KCNG3: variants seen among roughly 807,000 people sequenced by gnomAD.
KCNG3 encodes the protein potassium voltage-gated channel modifier subfamily G member 3, also known as voltage-gated potassium channel regulatory subunit KCNG3.
A neutral mutation model predicts 29.0 loss-of-function variants in KCNG3; 15 were observed. That is an observed-to-expected ratio of 0.52 (90% CI 0.35 to 0.80). KCNG3 has a LOEUF of 0.80. Among genes scored for constraint, KCNG3 ranks in the 30% least tolerant of loss-of-function variants. The pLI, the probability that KCNG3 is intolerant of heterozygous loss-of-function variation, is 0.01. For synonymous variants in KCNG3, 322 were observed against 248.9 expected (o/e 1.29, Z -2.76); for missense variants, 512 against 605.7 (o/e 0.85, Z 1.62).
chr2:42,451,336 G>A (rs1404403670), intron 1 of KCNG3, among the ~76,000 whole-genome samples: 1 of 151,898 alleles, frequency 6.6e-6, no homozygotes, highest in African/African-American at 2.4e-5. Flanking sequence ...TCAGCACTTT[G>A]GGAGGCTGAA....
the KCNG3 span, among the ~76,000 whole-genome samples, chr2:42,392,498 C>G: frequency 2.6e-5 from 4 of 152,102 alleles, no homozygotes; most frequent in African/African-American, 9.7e-5. Flanking sequence ...ACAGCTGTTA[C>G]TGAAACACCA....
At chr2:42,491,727 T>A (rs1277335682) in intron 1 of KCNG3, among the ~76,000 whole-genome samples, 1 of 152,212 alleles carries the variant, frequency 6.6e-6, no homozygotes, top group Non-Finnish European at 1.5e-5. Flanking sequence ...ACTTCTTAGA[T>A]TTATATAAAA....
chr2:42,429,346 T>C, the KCNG3 span, among the ~76,000 whole-genome samples: 298 of 152,236 alleles, frequency 2.0e-3, 3 homozygotes, highest in Non-Finnish European at 1.8e-3. Flanking sequence ...GCCAATGACT[T>C]CAATTCAAAC....
chr2:42,468,517 G>A (rs1213146412), intron 1 of KCNG3, among the ~76,000 whole-genome samples: 2 of 151,914 alleles, frequency 1.3e-5, no homozygotes. Context: ...CAAGTTATAA[G>A]GTACCTAGAT....
the KCNG3 span, among the ~76,000 whole-genome samples, chr2:42,435,786 T>C: frequency 6.6e-6 from 1 of 152,140 alleles, no homozygotes; most frequent in Non-Finnish European, 1.5e-5. Context: ...CCTTCACACA[T>C]TGCTGGTGGG....
chr2:42,466,660 A>G (rs1673147758), intron 1 of KCNG3, among the ~76,000 whole-genome samples: 1 of 152,060 alleles, frequency 6.6e-6, no homozygotes, highest in Admixed American at 6.6e-5. Context: ...ACGACTGTGT[A>G]CTGTTGGTGG....
chr2:42,474,606 A>T (rs1226507691), intron 1 of KCNG3, among the ~76,000 whole-genome samples: 1 of 152,210 alleles, frequency 6.6e-6, no homozygotes, highest in Non-Finnish European at 1.5e-5. Context: ...CTCTCATTTT[A>T]AAAAATATAT....
chr2:42,410,951 A>C, the KCNG3 span, among the ~76,000 whole-genome samples: 64 of 152,160 alleles, frequency 4.2e-4, no homozygotes, highest in Non-Finnish European at 8.2e-4. Context: ...TTAACCTTTA[A>C]CCACTGGGAG....
At chr2:42,453,537 A>C (rs542588185) in intron 1 of KCNG3, among the ~76,000 whole-genome samples, 23 of 152,224 alleles carry the variant, frequency 1.5e-4, no homozygotes, top group African/African-American at 5.3e-4. Flanking sequence ...TTTTTTGCCC[A>C]TTTTTAAATC....
the KCNG3 span, among the ~76,000 whole-genome samples, chr2:42,392,732 G>A: frequency 6.6e-6 from 1 of 151,646 alleles, no homozygotes; most frequent in African/African-American, 2.4e-5. Context: ...AAGTAATCTC[G>A]ATGAATGAGG....
intron 1 of KCNG3, among the ~76,000 whole-genome samples, chr2:42,455,559 T>C (rs1248069267): frequency 6.6e-6 from 1 of 152,152 alleles, no homozygotes; most frequent in African/African-American, 2.4e-5. Context: ...CCAGGAGATC[T>C]TGGAATACAG....
chr2:42,483,099 TGACAGATCAA>T (rs962777054), intron 1 of KCNG3, among the ~76,000 whole-genome samples: 6 of 152,254 alleles, frequency 3.9e-5, no homozygotes, highest in African/African-American at 1.4e-4. Flanking sequence ...CCAGCCTGGG[TGACAGATCAA>T]GACCCTGTCT....
At chr2:42,397,128 C>T in the KCNG3 span, among the ~76,000 whole-genome samples, 1 of 152,074 alleles carries the variant, frequency 6.6e-6, no homozygotes, top group Non-Finnish European at 1.5e-5. Flanking sequence ...ACCTGTAATT[C>T]CAGCTACTCA....
At chr2:42,452,243 A>ATATT in intron 1 of KCNG3, among the ~76,000 whole-genome samples, 22 of 95,044 alleles carry the variant, frequency 2.3e-4, no homozygotes, top group African/African-American at 6.3e-4. Context: ...ATATATATAT[A>ATATT]TTTTTTTTTT....
intron 1 of KCNG3, among the ~76,000 whole-genome samples, chr2:42,480,840 G>A (rs191032943): frequency 2.0e-5 from 3 of 150,992 alleles, no homozygotes; most frequent in Admixed American, 6.6e-5. Flanking sequence ...CTAGAGTGCA[G>A]TGGCGTGATC....
At position 42,464,624 on chromosome 2, in the gene KCNG3, A is replaced by G. The variant is rs550496421; in HGVS notation, c.666-20045T>C. ...CTCTCCGCCTTGTACCATCTGCTCC[A>G]ACTAATGGAAAGTAACACAGTCCCC... On this transcript the variant is annotated intron_variant, in intron 1 of 1. Transcript: ENST00000306078. 4.6e-5 allele frequency among the ~76,000 whole-genome samples: 7 copies of G among 152,290 alleles called. No homozygotes were observed. In the East Asian group the frequency reaches 1.3e-3, roughly 29 times the overall value.
the KCNG3 span, among the ~76,000 whole-genome samples, chr2:42,410,739 G>C: frequency 6.6e-6 from 1 of 151,980 alleles, no homozygotes; most frequent in East Asian, 1.9e-4. Flanking sequence ...TAGGGGGCCT[G>C]GTCCTTTAGG....
intron 1 of KCNG3, among the ~76,000 whole-genome samples, chr2:42,455,935 T>C (rs2103680991): frequency 6.7e-6 from 1 of 149,344 alleles, no homozygotes; most frequent in East Asian, 1.9e-4. Flanking sequence ...ATTATATACC[T>C]ATAATATGTG....
intron 1 of KCNG3, among the ~76,000 whole-genome samples, chr2:42,448,782 G>C (rs1266360224): frequency 6.6e-6 from 1 of 152,126 alleles, no homozygotes; most frequent in Non-Finnish European, 1.5e-5. Flanking sequence ...GAGGTCAAGA[G>C]ATCGAGACCA....
Sources: gnomAD v4.1 joint callset for allele counts (sites outside exome capture counted in the v4.1 genomes callset) on GRCh38, gnomAD v4.1.1 for gene constraint, MANE v1.5 for transcripts, NCBI Gene and HGNC (gene_info 2026-07-23, HGNC 2026-07-21) for gene names.